AK1: variants seen among roughly 807,000 people sequenced by gnomAD.
AK1 encodes the protein adenylate kinase 1.
Under a neutral mutation model 23.9 loss-of-function variants are expected in AK1, and 13 were observed. The ratio of observed to expected loss-of-function variants is 0.54; its 90% CI spans 0.35 to 0.86. AK1 has a LOEUF of 0.86. AK1 is among the 40% of genes least tolerant of loss of function. The pLI, the probability that AK1 is intolerant of heterozygous loss-of-function variation, is 0.01. For missense variants in AK1, 214 were observed against 255.1 expected (o/e 0.84, Z 1.10); for synonymous variants, 97 against 102.8 (o/e 0.94, Z 0.34).
chr9:127,870,585 A>G (rs1227132223), intron 5 of AK1, among the ~76,000 whole-genome samples: 1 of 152,164 alleles, frequency 6.6e-6, no homozygotes, highest in Non-Finnish European at 1.5e-5. Flanking sequence ...AGGCCAGGAC[A>G]TCTTTCAGAA....
At chr9:127,872,882 C>T (rs780303050) in intron 3 of AK1, 29 bp from the exon 4 acceptor site, 28 of 1,613,674 alleles carry the variant, frequency 1.7e-5, no homozygotes, top group Admixed American at 1.7e-5. Flanking sequence ...TCATAAACCC[C>T]GAGACACAGG....
rs369008450 is a variant in AK1 at position 127,867,973 on chromosome 9, C to T, written c.*35G>A. 2.4e-5 allele frequency: 38 copies of T among 1,607,086 alleles called. No individual in the cohort carries two copies. Among genetic ancestry groups the T allele is most frequent in the East Asian group, 8.9e-5 (4 of 44,848 alleles). ...GACCTCGAATCAGGACGGGGTGGGGCGGGGCTCTGAGCTGGGGAAGCGGCT... is the reference window on the plus strand; with the variant it reads ...GACCTCGAATCAGGACGGGGTGGGGTGGGGCTCTGAGCTGGGGAAGCGGCT... On this transcript the variant is annotated 3_prime_UTR_variant, in exon 7 of 7. Coordinates refer to ENST00000644144, the MANE Select transcript of AK1 (RefSeq NM_000476.3).
chr9:127,875,406 C>T (rs1056478830), intron 1 of AK1, among the ~76,000 whole-genome samples: 2 of 151,560 alleles, frequency 1.3e-5, no homozygotes, highest in African/African-American at 4.9e-5. Flanking sequence ...ACCTCGCCCC[C>T]CTATCTCAGA....
Position 127,874,308 on chromosome 9 carries a change from G to T in AK1, c.7+303C>A, listed in dbSNP as rs907967028. 4.1e-6 allele frequency: 4 copies of T among 985,264 alleles called. No individual in the cohort carries two copies. In the African/African-American group the frequency reaches 7.0e-5, roughly 17 times the overall value. The allele number at this position is 985,264 out of a possible 1,614,324, so 61.0% of individuals were successfully genotyped here. A position where few individuals can be genotyped will look rare whatever the true frequency, so the allele number is the denominator to read the frequency against. ...AATTGCCTTGTCCTCATTAGACCTG[G>T]TGTTTTGTGTATCTGTGGCCTCTCC... On this transcript the variant is annotated intron_variant, in intron 2 of 6. Transcript: ENST00000644144.
At chr9:127,874,576 C>T (rs760514756) in intron 2 of AK1, 35 bp downstream of exon 2, 33 of 1,612,900 alleles carry the variant, frequency 2.0e-5, no homozygotes, top group Non-Finnish European at 2.7e-5. Context: ...CACACTGAGG[C>T]CCAGGCAATG....
At position 127,868,529 on chromosome 9, in the gene AK1, T is replaced by C; in HGVS notation, c.325-17A>G. On this transcript the variant is annotated splice_polypyrimidine_tract_variant and intron_variant, in intron 5 of 6. Coordinates refer to ENST00000644144, the MANE Select transcript of AK1 (RefSeq NM_000476.3). The surrounding 1 kb of genome is among the most constrained non-coding windows in gnomAD (Gnocchi z 4.1). ...CTGTCCAATCTGCAGGCGGGCACCATGTCACAGGGACCCCATTCCTGCCCC... is the reference window on the plus strand; with the variant it reads ...CTGTCCAATCTGCAGGCGGGCACCACGTCACAGGGACCCCATTCCTGCCCC... 7 of 1,565,114 alleles carry C rather than the reference T, an allele frequency of 4.5e-6. No individual in the cohort carries two copies. The highest frequency in any genetic ancestry group is 6.1e-6 in the Non-Finnish European group (7 of 1,154,676).
intron 5 of AK1, among the ~76,000 whole-genome samples, chr9:127,870,834 G>A (rs533265541): frequency 1.1e-5 from 1 of 93,066 alleles, no homozygotes; most frequent in Non-Finnish European, 2.5e-5. Flanking sequence ...ATGGGAATGG[G>A]GCATGGGGAT....
intron 3 of AK1, 79 bp downstream of exon 3, chr9:127,872,947 C>T: frequency 6.2e-7 from 1 of 1,613,236 alleles, no homozygotes. Flanking sequence ...GGGCAGAGCC[C>T]AGGGTGCAGC....
At position 127,868,868 on chromosome 9, in the gene AK1, C is replaced by A. The variant is rs1452658232; in HGVS notation, c.325-356G>T. 2.3e-4 allele frequency among the ~76,000 whole-genome samples: 35 copies of A among 152,184 alleles called. 1 individual carries two copies. The highest frequency in any genetic ancestry group is 2.3e-3 in the Admixed American group (35 of 15,274). On this transcript the variant is annotated intron_variant, in intron 5 of 6. Transcript: ENST00000644144. The surrounding 1 kb of genome is among the most constrained non-coding windows in gnomAD (Gnocchi z 4.1). ...GCCTGATCCTAACTCGCCTTCACCT[C>A]AATACCAAGCATCAGGTTTCAGTGC...
Position 127,868,976 on chromosome 9 carries a change from G to T in AK1, c.325-464C>A, listed in dbSNP as rs1829319757. 6.6e-6 allele frequency among the ~76,000 whole-genome samples: 1 copy of T among 152,140 alleles called. No homozygotes were observed. The highest frequency in any genetic ancestry group is 6.5e-5 in the Admixed American group (1 of 15,274). On this transcript the variant is annotated intron_variant, in intron 5 of 6. Coordinates refer to ENST00000644144, the MANE Select transcript of AK1 (RefSeq NM_000476.3). This position sits in a 1 kb window ranked among gnomAD's most constrained non-coding sequence, Gnocchi z 4.1. ...CCGCCTCCTGGAACAGGCTCTTCCA[G>T]CGCCTTTATCTTTCCTTAAGCAGGT...
chr9:127,874,159 G>A, intron 2 of AK1: 1 of 985,398 alleles, frequency 1.0e-6, no homozygotes, highest in Non-Finnish European at 1.2e-6. Flanking sequence ...GGCCCGTTCT[G>A]GACTCTCTGC....
At position 127,877,288 on chromosome 9, in the gene AK1, C is replaced by G. The variant is rs538250013; in HGVS notation, c.-33+335G>C. ...GGAGCCAGGCCACAGCTCTCCCTCT[C>G]TGGGCCCAAGCTGGGACATGCCAAG... On this transcript the variant is annotated intron_variant, in intron 1 of 6. Coordinates refer to ENST00000644144, the MANE Select transcript of AK1 (RefSeq NM_000476.3). The surrounding 1 kb of genome is among the most constrained non-coding windows in gnomAD (Gnocchi z 5.2). Among the ~76,000 whole-genome samples the G allele has an allele frequency of 1.1e-4, 16 of 152,294 alleles. No homozygotes were observed. The South Asian group carries it at 2.1e-3, about 20-fold the overall frequency.
At chr9:127,874,478 C>T in intron 2 of AK1, 133 bp downstream of exon 2, 2 of 1,597,380 alleles carry the variant, frequency 1.3e-6, no homozygotes, top group Non-Finnish European at 1.7e-6. Context: ...ACTGGAGGCT[C>T]CCAGCCAGGC....
intron 5 of AK1, among the ~76,000 whole-genome samples, chr9:127,870,941 T>C (rs1356331289): frequency 6.6e-6 from 1 of 150,972 alleles, no homozygotes; most frequent in Admixed American, 6.6e-5. Context: ...TCCCGTTTAT[T>C]TCTCCCATAC....
chr9:127,874,847 A>C (rs1588619231), intron 1 of AK1, 198 bp from the exon 2 acceptor site: 1 of 593,360 alleles, frequency 1.7e-6, no homozygotes. Flanking sequence ...TGGAAAAGTC[A>C]CCTTTCCTCT....
intron 1 of AK1, chr9:127,874,940 G>A: frequency 7.3e-6 from 3 of 411,340 alleles, no homozygotes; most frequent in Non-Finnish European, 1.4e-5. Flanking sequence ...GGCTGGGACA[G>A]TGAGGATGGC....
upstream of AK1, chr9:127,878,441 A>ACGGGAGG (rs1829586295): frequency 6.6e-6 from 1 of 152,288 alleles, no homozygotes. Flanking sequence ...ACAGCAGAGA[A>ACGGGAGG]CGGGAGGCGA....
intron 1 of AK1, among the ~76,000 whole-genome samples, chr9:127,876,658 C>T (rs1194444926): frequency 6.7e-6 from 1 of 150,062 alleles, no homozygotes; most frequent in Non-Finnish European, 1.5e-5. Context: ...CTCGACCCCG[C>T]CCTGCCCCGC....
chr9:127,876,783 T>C (rs772752947), intron 1 of AK1, among the ~76,000 whole-genome samples: 3 of 151,974 alleles, frequency 2.0e-5, no homozygotes, highest in Non-Finnish European at 1.5e-5. Context: ...AGGATGGAGT[T>C]GGGTTACGGG....
Sources: gnomAD v4.1 joint callset for allele counts (sites outside exome capture counted in the v4.1 genomes callset) on GRCh38, gnomAD v4.1.1 for gene constraint, Gnocchi (gnomAD v3.1) non-coding constraint, MANE v1.5 for transcripts, NCBI Gene and HGNC (gene_info 2026-07-23, HGNC 2026-07-21) for gene names.